CEP95: variants seen among roughly 807,000 people sequenced by gnomAD.
CEP95 encodes centrosomal protein of 95 kDa.
A neutral mutation model predicts 111.2 loss-of-function variants in CEP95; 98 were observed. The observed-to-expected ratio is 0.88, with a 90% CI of 0.75 to 1.04. CEP95 has a LOEUF of 1.04. Ranked by LOEUF, CEP95 falls within the 50% of genes least tolerant of loss-of-function variation. CEP95 has a pLI of 0.00. For synonymous variants in CEP95, 323 were observed against 327.1 expected, an observed-to-expected ratio of 0.99 and a Z score of 0.14; for missense variants, 1,027 against 977.2, an observed-to-expected ratio of 1.05 and a Z score of -0.68.
At chr17:64,520,545 T>G (rs1300027179) in intron 6 of CEP95, 1 of 151,364 alleles carries the variant, frequency 6.6e-6, no homozygotes, top group African/African-American at 2.4e-5. Context: ...CTGCAACCTC[T>G]GCCTCAGCCT....
intron 17 of CEP95, chr17:64,535,597 T>C (rs1568159155): frequency 6.6e-6 from 1 of 152,178 alleles, no homozygotes; most frequent in Non-Finnish European, 1.5e-5. Flanking sequence ...GAACCACAGT[T>C]AGAGGACGAG....
chr17:64,528,110 G>T (rs887245120), intron 11 of CEP95, among the ~76,000 whole-genome samples: 2 of 151,918 alleles, frequency 1.3e-5, no homozygotes, highest in Non-Finnish European at 2.9e-5. Flanking sequence ...CTTTATACTC[G>T]TATCAGCAGT....
At chr17:64,508,977 A>G (rs1254721557) in intron 2 of CEP95, among the ~76,000 whole-genome samples, 1 of 152,122 alleles carries the variant, frequency 6.6e-6, no homozygotes, top group Non-Finnish European at 1.5e-5. Context: ...CACTCATAAT[A>G]ACGGCCTTGA....
Position 64,531,018 on chromosome 17 carries a change from A to G in CEP95, c.1539A>G (p.Thr513=). The change falls in exon 13 of 20, where the codon ACA becomes ACG. Residue 513 remains threonine, a splice_region_variant and synonymous_variant. Coordinates refer to ENST00000556440, the MANE Select transcript of CEP95 (RefSeq NM_138363.3). Reference sequence around the variant, plus strand: ...GAATACATGAGAAGGAGGAGGAAACAGTGGGTAAAAGTCTCCACTGTAATA... The same window carrying G: ...GAATACATGAGAAGGAGGAGGAAACGGTGGGTAAAAGTCTCCACTGTAATA... ...PLRIHEKEEE[T]EKIYRGEAVR... 2 of 1,501,416 alleles carry G rather than the reference A, an allele frequency of 1.3e-6. No homozygotes were observed. The highest frequency in any genetic ancestry group is 1.8e-6 in the Non-Finnish European group (2 of 1,102,938). The allele number at this position is 1,501,416 out of a possible 1,614,324, so 93.0% of individuals were successfully genotyped here. A position where few individuals can be genotyped will look rare whatever the true frequency, so the allele number is the denominator to read the frequency against.
intron 5 of CEP95, among the ~76,000 whole-genome samples, chr17:64,518,210 T>C (rs1303878287): frequency 2.6e-5 from 4 of 152,240 alleles, no homozygotes; most frequent in Admixed American, 2.0e-4. Context: ...TAATTTGTAA[T>C]CACTGTATAA....
At chr17:64,517,898 A>G (rs1407470214) in intron 5 of CEP95, among the ~76,000 whole-genome samples, 5 of 151,698 alleles carry the variant, frequency 3.3e-5, no homozygotes, top group Admixed American at 2.6e-4. Context: ...TTTTTGAGAC[A>G]CAGTCTTGCT....
chr17:64,535,704 TAG>T (rs1568159260), intron 17 of CEP95: 1 of 152,176 alleles, frequency 6.6e-6, no homozygotes, highest in East Asian at 1.9e-4. Flanking sequence ...AAAGGTCATA[TAG>T]AGTTACCCTA....
At chr17:64,529,734 T>A (rs1968129078) in intron 12 of CEP95, among the ~76,000 whole-genome samples, 1 of 152,114 alleles carries the variant, frequency 6.6e-6, no homozygotes, top group Non-Finnish European at 1.5e-5. Context: ...TTGAGGTGGA[T>A]TAAACGTGAA....
intron 1 of CEP95, chr17:64,507,407 G>T (rs1555673306): frequency 7.3e-7 from 1 of 1,371,332 alleles, no homozygotes. Flanking sequence ...CCCCGGACTT[G>T]TCTTTCTGTG....
At chr17:64,520,711 G>A (rs1194911186) in intron 6 of CEP95, 1 of 152,204 alleles carries the variant, frequency 6.6e-6, no homozygotes, top group East Asian at 1.9e-4. Context: ...GAGATTACAG[G>A]TATGAGCCAC....
chr17:64,514,130 GT>G (rs2039024120), intron 3 of CEP95, 117 bp from the exon 4 acceptor site: 2 of 484,340 alleles, frequency 4.1e-6, no homozygotes, highest in African/African-American at 1.9e-5. Flanking sequence ...CTGTAAGTTG[GT>G]ATGTATCGCC....
intron 8 of CEP95, 40 bp downstream of exon 8, chr17:64,522,935 C>T: frequency 1.4e-6 from 2 of 1,470,422 alleles, no homozygotes; most frequent in East Asian, 2.4e-5. Context: ...TAGAAGTACA[C>T]TTGTATGTAT....
In CEP95 at chr17:64,518,025, C is replaced by T. The variant is rs183630295; in HGVS notation, c.473+1197C>T. On this transcript the variant is annotated intron_variant, in intron 5 of 19. Transcript: ENST00000556440. ...CTGAGTAGCTGGGACTACAGGTGCA[C>T]GCCGCCACGGCTGGCTAATTTTTGT... 1.4e-3 allele frequency among the ~76,000 whole-genome samples: 219 copies of T among 152,096 alleles called. 1 individual carries two copies. Among genetic ancestry groups the T allele is most frequent in the African/African-American group, 5.1e-3 (212 of 41,480 alleles).
At chr17:64,534,547 TCCTTA>T in intron 16 of CEP95, 33 bp from the exon 17 acceptor site, 1 of 1,581,750 alleles carries the variant, frequency 6.3e-7, no homozygotes, top group Non-Finnish European at 8.7e-7. Context: ...ATTCCTCTTG[TCCTTA>T]CCCTTCTCTT....
intron 7 of CEP95, among the ~76,000 whole-genome samples, chr17:64,521,926 G>A (rs1555678004): frequency 6.6e-6 from 1 of 151,892 alleles, no homozygotes; most frequent in Non-Finnish European, 1.5e-5. Context: ...GCATGATCTC[G>A]GCTCACTGCA....
At chr17:64,506,868 C>T (rs1384132895), upstream of CEP95, 1 of 634,472 alleles carries the variant, frequency 1.6e-6, no homozygotes, top group Non-Finnish European at 2.9e-6. Flanking sequence ...AGAATGGTCT[C>T]TAAACTTCCC....
chr17:64,509,737 T>C (rs2038786273), intron 2 of CEP95, among the ~76,000 whole-genome samples: 1 of 151,804 alleles, frequency 6.6e-6, no homozygotes, highest in South Asian at 2.1e-4. Flanking sequence ...GCTCCTTGAA[T>C]GCCTGCTGTG....
intron 3 of CEP95, among the ~76,000 whole-genome samples, chr17:64,511,840 T>C (rs2038915035): frequency 6.6e-6 from 1 of 152,216 alleles, no homozygotes. Context: ...TTTGGGGAAC[T>C]AATAAATGTC....
chr17:64,508,510 G>T (rs1214130850), intron 1 of CEP95, 82 bp from the exon 2 acceptor site: 3 of 1,236,678 alleles, frequency 2.4e-6, no homozygotes, highest in Admixed American at 3.8e-5. Flanking sequence ...TGTTGGGGGG[G>T]AGGTTGTTGG....
Sources: gnomAD v4.1 joint callset for allele counts (sites outside exome capture counted in the v4.1 genomes callset) on GRCh38, gnomAD v4.1.1 for gene constraint, MANE v1.5 for transcripts, NCBI Gene and HGNC (gene_info 2026-07-23, HGNC 2026-07-21) for gene names.